KCTD8: variants seen among roughly 807,000 people sequenced by gnomAD.
The protein encoded by KCTD8 is BTB/POZ domain-containing protein KCTD8.
KCTD8 carries 27 observed loss-of-function variants against 31.5 expected under a neutral mutation model. The ratio of observed to expected loss-of-function variants is 0.86; its 90% CI spans 0.63 to 1.18. KCTD8 has a LOEUF of 1.18. Ranked by LOEUF, KCTD8 falls within the 50% of genes most tolerant of loss-of-function variation. The pLI, the probability that KCTD8 is intolerant of heterozygous loss-of-function variation, is 0.00. For synonymous variants in KCTD8, 290 were observed against 280.0 expected, an observed-to-expected ratio of 1.04 and a Z score of -0.36; for missense variants, 658 against 647.7, an observed-to-expected ratio of 1.02 and a Z score of -0.17.
At chr4:44,249,552 AT>A (rs758426974) in intron 1 of KCTD8, among the ~76,000 whole-genome samples, 1 of 151,824 alleles carries the variant, frequency 6.6e-6, no homozygotes, top group Non-Finnish European at 1.5e-5. Context: ...GCAGTCATAG[AT>A]GACAAATAAA....
rs551507199 is a variant in KCTD8, at chr4:44,371,345, T to C, written c.961+76218A>G. ...ACTATCAGGGTATCACTTAGCCCAG[T>C]CAAGTTGACAAATAAAATTAGCCAT... On this transcript the variant is annotated intron_variant, in intron 1 of 1. Coordinates refer to ENST00000360029, the MANE Select transcript of KCTD8 (RefSeq NM_198353.3). Among the ~76,000 whole-genome samples, 4 of 152,258 alleles carry C rather than the reference T, an allele frequency of 2.6e-5. No individual in the cohort carries two copies. In the South Asian group the frequency reaches 8.3e-4, roughly 32 times the overall value.
At chr4:44,335,494 C>T (rs1390336740) in intron 1 of KCTD8, among the ~76,000 whole-genome samples, 1 of 151,972 alleles carries the variant, frequency 6.6e-6, no homozygotes, top group Non-Finnish European at 1.5e-5. Flanking sequence ...ATGTTTCCTA[C>T]AGGAGTTGTT....
intron 1 of KCTD8, among the ~76,000 whole-genome samples, chr4:44,357,878 T>C (rs935230234): frequency 2.0e-5 from 3 of 151,602 alleles, no homozygotes; most frequent in African/African-American, 4.8e-5. Flanking sequence ...TCTCTAAACA[T>C]AAATATTCTT....
chr4:44,289,436 T>C (rs1230438401), intron 1 of KCTD8, among the ~76,000 whole-genome samples: 2 of 152,084 alleles, frequency 1.3e-5, no homozygotes, highest in East Asian at 1.9e-4. Flanking sequence ...TAAGGGAACA[T>C]ACTTTGAATA....
intron 1 of KCTD8, among the ~76,000 whole-genome samples, chr4:44,348,953 A>T (rs1232196051): frequency 1.3e-5 from 2 of 152,118 alleles, no homozygotes; most frequent in Admixed American, 1.3e-4. Flanking sequence ...CTTCAAATAC[A>T]TCTTTTTAGA....
chr4:44,200,614 T>C (rs1437249057), intron 1 of KCTD8, among the ~76,000 whole-genome samples: 2 of 152,060 alleles, frequency 1.3e-5, no homozygotes, highest in African/African-American at 2.4e-5. Context: ...CATCCCTTCA[T>C]GATAAAAACC....
At chr4:44,308,142 A>C (rs761220961) in intron 1 of KCTD8, among the ~76,000 whole-genome samples, 2 of 152,006 alleles carry the variant, frequency 1.3e-5, no homozygotes, top group Non-Finnish European at 2.9e-5. Flanking sequence ...TTTGTTTATA[A>C]ATTAAGAAAA....
chr4:44,245,883 C>A (rs980447276), intron 1 of KCTD8, among the ~76,000 whole-genome samples: 4 of 151,940 alleles, frequency 2.6e-5, no homozygotes, highest in African/African-American at 9.7e-5. Context: ...AGATTCAGAA[C>A]AAAATATACC....
At chr4:44,354,700 C>T (rs1719298887) in intron 1 of KCTD8, among the ~76,000 whole-genome samples, 1 of 152,020 alleles carries the variant, frequency 6.6e-6, no homozygotes. Context: ...ATTATCATCC[C>T]TATGTTACAA....
intron 1 of KCTD8, among the ~76,000 whole-genome samples, chr4:44,397,715 C>A (rs1204085546): frequency 6.6e-6 from 1 of 151,910 alleles, no homozygotes; most frequent in African/African-American, 2.4e-5. Flanking sequence ...TATCTTCTTA[C>A]AAAAAAATGA....
At chr4:44,218,043 C>T (rs1282334828) in intron 1 of KCTD8, among the ~76,000 whole-genome samples, 11 of 151,812 alleles carry the variant, frequency 7.2e-5, no homozygotes, top group Non-Finnish European at 2.9e-5. Context: ...CTCTGCAGGA[C>T]CCTGACTAAC....
At chr4:44,220,216 G>T (rs557025369) in intron 1 of KCTD8, among the ~76,000 whole-genome samples, 1 of 152,298 alleles carries the variant, frequency 6.6e-6, no homozygotes, top group South Asian at 2.1e-4. Context: ...TAGAGTGGGG[G>T]ATAGACTATA....
At chr4:44,276,794 C>T (rs888827420) in intron 1 of KCTD8, among the ~76,000 whole-genome samples, 2 of 151,782 alleles carry the variant, frequency 1.3e-5, no homozygotes, top group African/African-American at 4.8e-5. Flanking sequence ...AATATTTGTT[C>T]TAAAATTAAA....
chr4:44,402,486 C>A (rs915756023), intron 1 of KCTD8, among the ~76,000 whole-genome samples: 19 of 151,838 alleles, frequency 1.3e-4, no homozygotes, highest in Non-Finnish European at 1.5e-5. Context: ...GAAAACAACC[C>A]AGAGAAACAA....
At chr4:44,354,190 A>C (rs1226470461) in intron 1 of KCTD8, among the ~76,000 whole-genome samples, 4 of 152,098 alleles carry the variant, frequency 2.6e-5, no homozygotes, top group Non-Finnish European at 5.9e-5. Flanking sequence ...ATCAGCTTCC[A>C]GCTTAAACAT....
chr4:44,181,123 T>A (rs1054209392), intron 1 of KCTD8, among the ~76,000 whole-genome samples: 1 of 151,892 alleles, frequency 6.6e-6, no homozygotes. Context: ...TGGGTTCACA[T>A]CTCAGTTTTA....
intron 1 of KCTD8, among the ~76,000 whole-genome samples, chr4:44,204,571 G>A (rs1389041284): frequency 6.6e-6 from 1 of 152,020 alleles, no homozygotes; most frequent in African/African-American, 2.4e-5. Flanking sequence ...CCCTTAAAAG[G>A]GACAGGAATT....
intron 1 of KCTD8, among the ~76,000 whole-genome samples, chr4:44,411,595 T>C (rs551620265): frequency 6.6e-6 from 1 of 152,180 alleles, no homozygotes; most frequent in South Asian, 2.1e-4. Context: ...CAAAATAATA[T>C]GCTGAAATCC....
chr4:44,322,101 T>C (rs1577615278), intron 1 of KCTD8, among the ~76,000 whole-genome samples: 3 of 152,124 alleles, frequency 2.0e-5, no homozygotes. Flanking sequence ...ATTTCCCTTT[T>C]TTTGGTTATA....
Sources: gnomAD v4.1 joint callset for allele counts (sites outside exome capture counted in the v4.1 genomes callset) on GRCh38, gnomAD v4.1.1 for gene constraint, MANE v1.5 for transcripts, NCBI Gene and HGNC (gene_info 2026-07-23, HGNC 2026-07-21) for gene names.